SHLD2: variants seen among roughly 807,000 people sequenced by gnomAD.
SHLD2 encodes shieldin complex subunit 2.
In SHLD2, 30 loss-of-function variants were observed where a neutral mutation model predicts 73.2. That is an observed-to-expected ratio of 0.41 (90% CI 0.31 to 0.56). The LOEUF is 0.56. Among genes scored for constraint, SHLD2 ranks in the 20% least tolerant of loss-of-function variants. The pLI is 0.28. For synonymous variants in SHLD2, 285 were observed against 370.1 expected, an observed-to-expected ratio of 0.77 and a Z score of 2.64; for missense variants, 745 against 1,055.9, an observed-to-expected ratio of 0.71 and a Z score of 4.08.
At chr10:87,147,072 G>GAAAAAAAAAAAAAAAAAAAA (rs76041937) in intron 2 of SHLD2, among the ~76,000 whole-genome samples, 3 of 95,352 alleles carry the variant, frequency 3.1e-5, no homozygotes, top group Admixed American at 9.6e-5. Context: ...AAAAAAAAAA[G>GAAAAAAAAAAAAAAAAAAAA]AAAAAAAAAA....
At chr10:87,126,418 A>G (rs1844010515) in intron 2 of SHLD2, among the ~76,000 whole-genome samples, 1 of 152,114 alleles carries the variant, frequency 6.6e-6, no homozygotes, top group Admixed American at 6.6e-5. Context: ...TTGTCTGAAT[A>G]TTGAGTCTTA....
chr10:87,143,681 T>G (rs1845366723), intron 2 of SHLD2, among the ~76,000 whole-genome samples: 2 of 152,102 alleles, frequency 1.3e-5, no homozygotes, highest in South Asian at 4.1e-4. Context: ...ACATTCTTCA[T>G]TAATAGAATA....
At chr10:87,162,180 A>C (rs1846867177) in intron 4 of SHLD2, among the ~76,000 whole-genome samples, 1 of 152,240 alleles carries the variant, frequency 6.6e-6, no homozygotes, top group African/African-American at 2.4e-5. Flanking sequence ...AACCTGAATG[A>C]ATCCTCTGTA....
chr10:87,187,062 G>C (rs183716714), intron 8 of SHLD2, 23 bp from the exon 9 acceptor site: 4 of 1,414,034 alleles, frequency 2.8e-6, no homozygotes, highest in Non-Finnish European at 4.0e-6. Context: ...TTTGAAGGTC[G>C]TGTGTTGTTT....
intron 2 of SHLD2, among the ~76,000 whole-genome samples, chr10:87,121,395 T>A (rs1843607817): frequency 1.3e-5 from 2 of 152,102 alleles, no homozygotes; most frequent in African/African-American, 4.8e-5. Context: ...AGTGTTGGGA[T>A]TACAGGTGAG....
Position 87,187,196 on chromosome 10 carries a change from G to A in SHLD2, c.2511G>A (p.Val837=), listed in dbSNP as rs1341178906. 1.3e-6 allele frequency: 2 copies of A among 1,558,738 alleles called. No homozygotes were observed. The highest frequency in any genetic ancestry group is 8.9e-7 in the Non-Finnish European group (1 of 1,129,652). The change falls in exon 9 of 10, where the codon GTG becomes GTA. Residue 837 remains valine (V), a synonymous_variant. Coordinates refer to ENST00000298786, the MANE Select transcript of SHLD2 (RefSeq NM_001330112.2). ...LNISADCLNR[V]IVPSSEITYG... Reference sequence around the variant, plus strand: ...TTTCTGCAGACTGCCTCAACAGAGTGATAGGTAATATATCAGTGTGCCATC... The same window carrying A: ...TTTCTGCAGACTGCCTCAACAGAGTAATAGGTAATATATCAGTGTGCCATC...
chr10:87,094,991 G>A, upstream of SHLD2: 1 of 167,626 alleles, frequency 6.0e-6, no homozygotes, highest in Non-Finnish European at 1.3e-5. This position sits in a 1 kb window ranked among gnomAD's most constrained non-coding sequence, Gnocchi z 6.6. Context: ...CTCCGCCGCG[G>A]CCTCCCCGGG....
intron 4 of SHLD2, among the ~76,000 whole-genome samples, chr10:87,162,109 A>C (rs1846861421): frequency 6.6e-6 from 1 of 152,058 alleles, no homozygotes; most frequent in Non-Finnish European, 1.5e-5. Context: ...AAACAGTAAT[A>C]AACACCATAT....
chr10:87,102,985 G>A (rs902611670), intron 2 of SHLD2, among the ~76,000 whole-genome samples: 9 of 152,204 alleles, frequency 5.9e-5, no homozygotes, highest in African/African-American at 1.7e-4. Flanking sequence ...GCTGAGGTGG[G>A]CGGATCACGA....
At chr10:87,159,147 G>T (rs565076818) in intron 4 of SHLD2, among the ~76,000 whole-genome samples, 61 of 152,240 alleles carry the variant, frequency 4.0e-4, no homozygotes, top group Middle Eastern at 3.4e-3. Flanking sequence ...AAAGTTATAG[G>T]ATATATATAT....
Position 87,173,155 on chromosome 10 carries a change from G to C in SHLD2, c.1963+2181G>C, listed in dbSNP as rs1224373537. ...TTATTCTCCTGCCTCAGCCTCCCAA[G>C]TAAGTGGAATTACAGGCATGTGCCG... On this transcript the variant is annotated intron_variant, in intron 6 of 9. Coordinates refer to ENST00000298786, the MANE Select transcript of SHLD2 (RefSeq NM_001330112.2). 2.0e-5 allele frequency among the ~76,000 whole-genome samples: 3 copies of C among 150,798 alleles called. No homozygotes were observed. In the East Asian group the frequency reaches 5.8e-4, roughly 29 times the overall value.
intron 2 of SHLD2, among the ~76,000 whole-genome samples, chr10:87,120,324 T>G (rs1307686073): frequency 6.6e-6 from 1 of 151,954 alleles, no homozygotes; most frequent in Non-Finnish European, 1.5e-5. Context: ...CTCGGCTCAC[T>G]GCAAGCTCCG....
chr10:87,141,936 C>T (rs965450830), intron 2 of SHLD2, among the ~76,000 whole-genome samples: 9 of 151,092 alleles, frequency 6.0e-5, no homozygotes, highest in South Asian at 4.2e-4. Context: ...GAGACTGAGG[C>T]GGGAGAATTG....
chr10:87,178,443 A>G (rs1037385128), intron 7 of SHLD2, among the ~76,000 whole-genome samples: 16 of 151,696 alleles, frequency 1.1e-4, no homozygotes, highest in African/African-American at 3.6e-4. Flanking sequence ...GGCCAGACAC[A>G]TTGGCTCAAG....
At chr10:87,173,977 C>T (rs1201544224) in intron 6 of SHLD2, among the ~76,000 whole-genome samples, 3 of 152,154 alleles carry the variant, frequency 2.0e-5, no homozygotes, top group Admixed American at 2.0e-4. Flanking sequence ...GGGAAAACAG[C>T]TACTGTCATC....
chr10:87,158,182 G>A, intron 4 of SHLD2, 27 bp downstream of exon 4: 1 of 1,602,768 alleles, frequency 6.2e-7, no homozygotes, highest in South Asian at 1.1e-5. Flanking sequence ...ATGAAGTAAT[G>A]TAGTAGTGTT....
intron 2 of SHLD2, among the ~76,000 whole-genome samples, chr10:87,129,072 ATTTTTGTTTTTTTGTTTTGT>A (rs1003271558): frequency 6.1e-5 from 9 of 147,908 alleles, no homozygotes; most frequent in African/African-American, 1.0e-4. Context: ...CGCCAAGCCA[ATTTTTGTTTTTTTGTTTTGT>A]TTTGTTTTGT....
At chr10:87,159,838 G>A (rs1358645792) in intron 4 of SHLD2, among the ~76,000 whole-genome samples, 1 of 152,084 alleles carries the variant, frequency 6.6e-6, no homozygotes, top group East Asian at 1.9e-4. Context: ...TATGTTTCAA[G>A]GCATGTTAAG....
chr10:87,181,648 G>A (rs1848320626), intron 8 of SHLD2, among the ~76,000 whole-genome samples: 1 of 150,864 alleles, frequency 6.6e-6, no homozygotes, highest in Non-Finnish European at 1.5e-5. Context: ...CTAGTATGAG[G>A]TATTTAAGAT....
Sources: gnomAD v4.1 joint callset for allele counts (sites outside exome capture counted in the v4.1 genomes callset) on GRCh38, gnomAD v4.1.1 for gene constraint, Gnocchi (gnomAD v3.1) non-coding constraint, MANE v1.5 for transcripts, NCBI Gene and HGNC (gene_info 2026-07-23, HGNC 2026-07-21) for gene names.